TENM2: variants seen among roughly 807,000 people sequenced by gnomAD.
TENM2 encodes teneurin transmembrane protein 2.
Under a neutral mutation model 245.2 loss-of-function variants are expected in TENM2, and 52 were observed. The ratio of observed to expected loss-of-function variants is 0.21; its 90% CI spans 0.17 to 0.27. The LOEUF is 0.27. TENM2 is among the 10% of genes least tolerant of loss of function. TENM2 has a pLI of 1.00. For synonymous variants in TENM2, 1,363 were observed against 1,438.9 expected, an observed-to-expected ratio of 0.95 and a Z score of 1.19; for missense variants, 3,046 against 3,666.8, an observed-to-expected ratio of 0.83 and a Z score of 4.37.
In TENM2 at chr5:168,012,661, CA is replaced by C. The variant is rs1190738141; in HGVS notation, c.1186+19490del. On this transcript the variant is annotated intron_variant, in intron 5 of 28. Coordinates refer to ENST00000518659, the Ensembl canonical transcript of TENM2. ...AGACTCTGTCTCAAAAAAAAAAAAA[CA>C]AAAAAAAAAACTGAAGGTGAGGGGG... Among the ~76,000 whole-genome samples the C allele has an allele frequency of 2.6e-3, 274 of 106,624 alleles. 3 individuals are homozygous for C. The highest frequency in any genetic ancestry group is 7.7e-3 in the Admixed American group (73 of 9,480). 69.9% of individuals were successfully genotyped at this position (106,624 alleles called of 152,430 possible). A position where few individuals can be genotyped will look rare whatever the true frequency, so the allele number is the denominator to read the frequency against.
chr5:167,943,575 C>A (rs1479521361), intron 3 of TENM2, among the ~76,000 whole-genome samples: 1 of 152,008 alleles, frequency 6.6e-6, no homozygotes. Flanking sequence ...TTTTGCCCAG[C>A]CTATTTTACA....
chr5:167,895,779 G>A (rs1775168264), intron 3 of TENM2, among the ~76,000 whole-genome samples: 1 of 152,138 alleles, frequency 6.6e-6, no homozygotes, highest in Non-Finnish European at 1.5e-5. Context: ...TGCGATTCCT[G>A]TTTAATGATC....
chr5:167,896,840 A>C (rs1393571440), intron 3 of TENM2, among the ~76,000 whole-genome samples: 1 of 152,186 alleles, frequency 6.6e-6, no homozygotes, highest in Non-Finnish European at 1.5e-5. Context: ...TGGGAAGTGG[A>C]AACTCCGAAA....
chr5:168,156,272 T>C (rs1757175923), intron 12 of TENM2, among the ~76,000 whole-genome samples: 2 of 53,244 alleles, frequency 3.8e-5, no homozygotes, highest in Middle Eastern at 0.01. Context: ...AAAAACACTT[T>C]TTTTTTTTCA....
chr5:167,819,013 A>C (rs920600147), intron 2 of TENM2, among the ~76,000 whole-genome samples: 24 of 151,816 alleles, frequency 1.6e-4, no homozygotes, highest in African/African-American at 5.6e-4. Context: ...TTTGCCATTC[A>C]TCCAGTTTTT....
chr5:167,545,975 A>C (rs2127612746), intron 2 of TENM2, among the ~76,000 whole-genome samples: 1 of 152,336 alleles, frequency 6.6e-6, no homozygotes, highest in South Asian at 2.1e-4. Flanking sequence ...ATAATAACAT[A>C]GTTCTTTAGA....
intron 2 of TENM2, among the ~76,000 whole-genome samples, chr5:167,419,333 A>T (rs189667307): frequency 2.6e-5 from 4 of 152,230 alleles, no homozygotes; most frequent in Admixed American, 6.5e-5. Flanking sequence ...ATGGTGGCTC[A>T]TGCCTGTAAT....
the TENM2 span, among the ~76,000 whole-genome samples, chr5:166,993,650 T>C: frequency 6.6e-6 from 1 of 152,350 alleles, no homozygotes. Flanking sequence ...TATTAATCTC[T>C]ATTTAGAATT....
At chr5:168,177,328 A>ATT (rs539176755) in intron 13 of TENM2, among the ~76,000 whole-genome samples, 5 of 152,146 alleles carry the variant, frequency 3.3e-5, no homozygotes, top group African/African-American at 1.2e-4. Context: ...AGTTTATTTG[A>ATT]TTTTTTTGCA....
At chr5:167,833,023 A>ACGCCCGCCACCACGCC (rs1768646834) in intron 2 of TENM2, among the ~76,000 whole-genome samples, 2 of 152,182 alleles carry the variant, frequency 1.3e-5, no homozygotes, top group South Asian at 4.1e-4. Flanking sequence ...AGGGTTTAGT[A>ACGCCCGCCACCACGCC]CAGAACTAAA....
At chr5:167,869,679 C>G (rs1276424265) in intron 2 of TENM2, among the ~76,000 whole-genome samples, 2 of 152,198 alleles carry the variant, frequency 1.3e-5, no homozygotes, top group African/African-American at 4.8e-5. Flanking sequence ...CTGCCATGAC[C>G]CAGTGCTCCC....
chr5:167,296,681 T>TG (rs1215860624), intron 1 of TENM2: 2 of 152,262 alleles, frequency 1.3e-5, no homozygotes, highest in Non-Finnish European at 2.9e-5. Context: ...AAAAGACCCC[T>TG]GTTTGCCTGG....
intron 9 of TENM2, 33 bp from the exon 12 acceptor site, chr5:168,118,259 C>G (rs377640303): frequency 1.4e-6 from 2 of 1,466,998 alleles, no homozygotes; most frequent in Non-Finnish European, 1.8e-6. Flanking sequence ...GCTGGCCCTT[C>G]GTGACCTAGT....
intron 2 of TENM2, among the ~76,000 whole-genome samples, chr5:167,740,350 T>C (rs1341909235): frequency 6.6e-6 from 1 of 152,176 alleles, no homozygotes; most frequent in East Asian, 1.9e-4. Flanking sequence ...AGGCAGCAGC[T>C]TCTGAACTAC....
chr5:167,061,652 G>A, the TENM2 span, among the ~76,000 whole-genome samples: 1 of 152,054 alleles, frequency 6.6e-6, no homozygotes, highest in African/African-American at 2.4e-5. Flanking sequence ...AAAGAAAAGA[G>A]TAAAAAATAT....
At chr5:167,143,988 A>G in the TENM2 span, among the ~76,000 whole-genome samples, 1 of 152,062 alleles carries the variant, frequency 6.6e-6, no homozygotes, top group Non-Finnish European at 1.5e-5. Flanking sequence ...CTTTGGACCA[A>G]TGGCATGACC....
At chr5:167,754,100 T>C (rs920416213) in intron 2 of TENM2, among the ~76,000 whole-genome samples, 1 of 152,122 alleles carries the variant, frequency 6.6e-6, no homozygotes, top group East Asian at 1.9e-4. Flanking sequence ...TACAAAAATA[T>C]CCAAAAGCCC....
chr5:168,226,240 A>C, exon 24 of TENM2: 1 of 1,613,444 alleles, frequency 6.2e-7, no homozygotes, highest in Non-Finnish European at 8.5e-7. Context: ...TCTTCAGTAG[A>C]GGCCTCCTAC....
rs189663531 is a variant in TENM2, at chr5:167,475,606, G to T, written c.502+100133G>T. Among the ~76,000 whole-genome samples, 7 of 152,008 alleles carry T rather than the reference G, an allele frequency of 4.6e-5. No individual in the cohort carries two copies. The East Asian group carries it at 1.2e-3, about 25-fold the overall frequency. ...ACCCATCATCTAGGCTTTAAGCCCCGCATGCATTAGGTATTTGTCCTAATG... is the reference window on the plus strand; with the variant it reads ...ACCCATCATCTAGGCTTTAAGCCCCTCATGCATTAGGTATTTGTCCTAATG... On this transcript the variant is annotated intron_variant, in intron 2 of 28. Transcript: ENST00000518659.
Sources: allele counts gnomAD v4.1 joint callset (sites outside exome capture counted in the v4.1 genomes callset), GRCh38; gene constraint gnomAD v4.1.1; transcripts MANE v1.5; gene names NCBI Gene and HGNC (gene_info 2026-07-23, HGNC 2026-07-21).